DHX58: variants seen among roughly 807,000 people sequenced by gnomAD.
The protein encoded by DHX58 is ATP-dependent RNA helicase DHX58.
DHX58 carries 51 observed loss-of-function variants against 65.0 expected under a neutral mutation model. The ratio of observed to expected loss-of-function variants is 0.78; its 90% CI spans 0.63 to 0.99. The LOEUF is 0.99. Among genes scored for constraint, DHX58 ranks in the 50% least tolerant of loss-of-function variants. The pLI, the probability that DHX58 is intolerant of heterozygous loss-of-function variation, is 0.00. For synonymous variants in DHX58, 350 were observed against 365.0 expected (o/e 0.96, Z 0.47); for missense variants, 773 against 891.8 (o/e 0.87, Z 1.70).
In DHX58 at chr17:42,111,621, C is replaced by A. The variant is rs1340098461; in HGVS notation, c.168+104G>T. 3 of 1,568,198 alleles carry A rather than the reference C, an allele frequency of 1.9e-6. No homozygotes were observed. The African/African-American group carries it at 4.0e-5, about 21-fold the overall frequency. On this transcript the variant is annotated intron_variant, in intron 3 of 13. Transcript: ENST00000251642. Reference sequence around the variant, plus strand: ...AGGGTGGAAAGACAGGTGAGCTTAGCGATGGCCACAGCAGCTTTGGAGTTC... The same window carrying A: ...AGGGTGGAAAGACAGGTGAGCTTAGAGATGGCCACAGCAGCTTTGGAGTTC...
At chr17:42,106,098 GAA>G in intron 8 of DHX58, 109 bp from the exon 9 acceptor site, 1 of 1,186,380 alleles carries the variant, frequency 8.4e-7, no homozygotes, top group South Asian at 1.5e-5. Flanking sequence ...GGTCAAGGCT[GAA>G]GAGAGCTATG....
intron 13 of DHX58, 66 bp from the exon 14 acceptor site, chr17:42,102,012 T>A: frequency 2.0e-6 from 3 of 1,529,874 alleles, no homozygotes; most frequent in Non-Finnish European, 2.7e-6. Context: ...TCTCCTCAAG[T>A]TGGAATTCCC....
At chr17:42,110,186 CAAAA>C (rs11318535) in intron 5 of DHX58, among the ~76,000 whole-genome samples, 14 of 110,324 alleles carry the variant, frequency 1.3e-4, no homozygotes, top group Admixed American at 1.8e-4. Context: ...GACTCCATCT[CAAAA>C]AAAAAAAAAA....
chr17:42,107,114 C>G (rs1299593671), intron 8 of DHX58, among the ~76,000 whole-genome samples: 5 of 152,124 alleles, frequency 3.3e-5, no homozygotes, highest in African/African-American at 4.8e-5. Flanking sequence ...GTAATCCCAG[C>G]ACTTTGGGAG....
chr17:42,110,925 G>T lies in DHX58; in HGVS notation c.371-12C>A, dbSNP rs782293085. The T allele has an allele frequency of 6.3e-6, 10 of 1,589,686 alleles. No individual in the cohort carries two copies. In the Admixed American group the frequency reaches 1.7e-4, roughly 28 times the overall value. ...GATCAGGGAGAAGACTGAGGGCACA[G>T]GGGGGAAGGCTGTGACCTATGTTTG... On this transcript the variant is annotated splice_polypyrimidine_tract_variant and intron_variant, in intron 4 of 13. Coordinates refer to ENST00000251642, the MANE Select transcript of DHX58 (RefSeq NM_024119.3).
Position 42,105,864 on chromosome 17 carries a change from G to C in DHX58, c.1123C>G (p.Arg375Gly). 1 of 1,613,992 alleles carries C rather than the reference G, an allele frequency of 6.2e-7. No individual in the cohort carries two copies. Among genetic ancestry groups the C allele is most frequent in the Non-Finnish European group, 8.5e-7 (1 of 1,180,020 alleles). The change falls in exon 9 of 14, where the codon CGC becomes GGC. Residue 375 changes from arginine (R) to glycine (G), a missense_variant. Transcript: ENST00000251642. ...SNSPRGIIFTRTRQSAHSLLL... is the reference protein window; with the variant it reads ...SNSPRGIIFTGTRQSAHSLLL... Reference sequence around the variant, plus strand: ...AGGGAGTGTGCGCTTTGGCGGGTGCGGGTGAAGATGATACCCCGAGGGCTG... The same window carrying C: ...AGGGAGTGTGCGCTTTGGCGGGTGCCGGTGAAGATGATACCCCGAGGGCTG...
rs1419056623 is a variant in DHX58 at position 42,105,321 on chromosome 17, C to CCCCCAGGATCTTGCCCATCTT, written c.1252-175_1252-155dup. Reference sequence around the variant, plus strand: ...TGAATCCCATCTTTATCCCCAGGTACCCCCAGGATCTTGCCCATCTTCCCA... The same window carrying CCCCCAGGATCTTGCCCATCTT: ...TGAATCCCATCTTTATCCCCAGGTACCCCCAGGATCTTGCCCATCTTCCCCAGGATCTTGCCCATCTTCCCA... On this transcript the variant is annotated intron_variant, in intron 9 of 13. Coordinates refer to ENST00000251642, the MANE Select transcript of DHX58 (RefSeq NM_024119.3). 3.3e-5 allele frequency among the ~76,000 whole-genome samples: 5 copies of CCCCCAGGATCTTGCCCATCTT among 152,046 alleles called. No individual in the cohort carries two copies. In the East Asian group the frequency reaches 9.7e-4, roughly 29 times the overall value.
rs1185853656 is a variant in DHX58, at chr17:42,107,392, GTTAAT to G, written c.997+207_997+211del. On this transcript the variant is annotated intron_variant, in intron 8 of 13. Transcript: ENST00000251642. The stretch of plus-strand genomic sequence containing the variant: ...TAAAAAAAAAAAAAAAGTCAACAAT[GTTAAT>G]TAATTTTAACAACTAAGCAAAAACC... Among the ~76,000 whole-genome samples, 5 of 150,772 alleles carry G rather than the reference GTTAAT, an allele frequency of 3.3e-5. No individual in the cohort carries two copies. The East Asian group carries it at 9.7e-4, about 29-fold the overall frequency.
rs369279500 is a variant in DHX58 at position 42,105,849 on chromosome 17, C to A, written c.1138G>T (p.Ala380Ser). Reference sequence around the variant, plus strand: ...TGGAGCCAGAGCAGGAGGGAGTGTGCGCTTTGGCGGGTGCGGGTGAAGATG... The same window carrying A: ...TGGAGCCAGAGCAGGAGGGAGTGTGAGCTTTGGCGGGTGCGGGTGAAGATG... ...GIIFTRTRQS[A>S]HSLLLWLQQQ... The change falls in exon 9 of 14, where the codon GCA (alanine) becomes TCA (serine). Residue 380 changes from alanine to serine, a missense_variant. By Grantham distance (99) the Ala-to-Ser change is moderately conservative (BLOSUM62 1). Coordinates refer to ENST00000251642, the MANE Select transcript of DHX58 (RefSeq NM_024119.3). 19 of 1,613,824 alleles carry A rather than the reference C, an allele frequency of 1.2e-5. No homozygotes were observed. The Admixed American group carries it at 2.0e-4, about 17-fold the overall frequency.
intron 3 of DHX58, 46 bp from the exon 4 acceptor site, chr17:42,111,543 C>T: frequency 6.2e-7 from 1 of 1,608,030 alleles, no homozygotes; most frequent in Admixed American, 1.7e-5. Context: ...AATCTGGGGC[C>T]AGGGGTAGGG....
At chr17:42,106,028 C>T in intron 8 of DHX58, 39 bp from the exon 9 acceptor site, 1 of 1,587,104 alleles carries the variant, frequency 6.3e-7, no homozygotes, top group South Asian at 1.2e-5. Context: ...TGTAGTGGCA[C>T]ATGTCTGTAG....
chr17:42,102,159 G>T (rs369552739), intron 13 of DHX58, 57 bp downstream of exon 13: 1 of 1,583,434 alleles, frequency 6.3e-7, no homozygotes, highest in Non-Finnish European at 8.7e-7. Flanking sequence ...CTCCCTGAGG[G>T]CCTCTGAAGA....
Position 42,111,428 on chromosome 17 carries a change from G to A in DHX58, c.238C>T (p.Leu80=). Residue 80 remains leucine, a synonymous_variant, in exon 4 of 14, where the codon CTG becomes TTG. Transcript: ENST00000251642. The part of the protein sequence containing the change: ...MLDGRWTVTT[L]SGDMGPRAGF... ...GCACGTGGTCCCATGTCCCCACTCA[G>A]GGTTGTCACGGTCCAGCGTCCATCC... The A allele has an allele frequency of 6.2e-7, 1 of 1,614,192 alleles. No individual in the cohort carries two copies.
Position 42,103,631 on chromosome 17 carries a change from A to C in DHX58, c.1731T>G (p.His577Gln). The C allele has an allele frequency of 6.2e-7, 1 of 1,614,044 alleles. No homozygotes were observed. The highest frequency in any genetic ancestry group is 8.5e-7 in the Non-Finnish European group (1 of 1,180,022). The change falls in exon 12 of 14, where the codon CAT (histidine) becomes CAG (glutamine). Residue 577 changes from histidine to glutamine, a missense_variant. Transcript: ENST00000251642. Reference sequence around the variant, plus strand: ...ACGAGAAGTTGGGGTTCACATTGACATGGTGGGTGCCCTCCACCTTCCGCA... The same window carrying C: ...ACGAGAAGTTGGGGTTCACATTGACCTGGTGGGTGCCCTCCACCTTCCGCA... ...SDLRKVEGTH[H>Q]VNVNPNFSNY...
Position 42,111,775 on chromosome 17 carries a change from G to A in DHX58, c.118C>T (p.Arg40Trp), listed in dbSNP as rs371874809. The A allele has an allele frequency of 7.3e-5, 118 of 1,614,006 alleles. 1 individual carries two copies. Among genetic ancestry groups the A allele is most frequent in the Middle Eastern group, 3.3e-4 (2 of 6,062 alleles). Residue 40 changes from arginine to tryptophan, a missense_variant, in exon 3 of 14, where the codon CGG becomes TGG. Arg to Trp is a moderately radical substitution (Grantham distance 101). Transcript: ENST00000251642. The stretch of plus-strand genomic sequence containing the variant: ...GCTCCATCCACAGTCTCTAGGTGCC[G>A]CTTGGCCACATAAGCAGCCGCCCGG... ...KTRAAAYVAK[R>W]HLETVDGAKV...
Position 42,110,877 on chromosome 17 carries a change from G to A in DHX58, c.407C>T (p.Thr136Met), listed in dbSNP as rs143024378. ...SLIVVDECHH[T>M]HKDTVYNVIM... ...GACGTTGTAGACGGTGTCCTTGTGC[G>A]TGTGGTGGCACTCATCCACCACGAT... Residue 136 changes from threonine (T) to methionine (M), a missense_variant, in exon 5 of 14, where the codon ACG becomes ATG. By Grantham distance (81) the Thr-to-Met change is moderately conservative. Transcript: ENST00000251642. 1.1e-4 allele frequency: 171 copies of A among 1,612,812 alleles called. No individual in the cohort carries two copies. The highest frequency in any genetic ancestry group is 1.4e-4 in the Non-Finnish European group (162 of 1,179,482).
chr17:42,109,671 G>A (rs953705722), intron 5 of DHX58, among the ~76,000 whole-genome samples: 10 of 152,096 alleles, frequency 6.6e-5, no homozygotes, highest in Non-Finnish European at 1.3e-4. Context: ...CAAGGCGGGC[G>A]GGTCACCTGA....
chr17:42,102,409 C>T, intron 12 of DHX58, 97 bp from the exon 13 acceptor site: 2 of 1,076,928 alleles, frequency 1.9e-6, no homozygotes, highest in South Asian at 1.3e-5. Flanking sequence ...GGACCTTGGG[C>T]CTTCCTGCTG....
Position 42,111,308 on chromosome 17 carries a change from CGT to C in DHX58, c.356_357del (p.His119ArgfsTer13), listed in dbSNP as rs1568006496. The C allele has an allele frequency of 7.4e-6, 12 of 1,612,382 alleles. No individual in the cohort carries two copies. The highest frequency in any genetic ancestry group is 1.0e-5 in the Non-Finnish European group (12 of 1,178,678). ...CCATGGCCCTCACCAGTGAGCTCCA[CGT>C]GCTCCTCCTCCTCGGGGCTGGTCAG... is the stretch of plus-strand genomic sequence containing the variant. The part of the protein sequence containing the change: ...MALTSPEEEE[H>X]VELTVFSLIV... On this transcript the variant is annotated frameshift_variant, in exon 4 of 14. Transcript: ENST00000251642. LOFTEE classifies it high-confidence loss of function.
Sources: gnomAD v4.1 joint callset for allele counts (sites outside exome capture counted in the v4.1 genomes callset) on GRCh38, gnomAD v4.1.1 for gene constraint, MANE v1.5 for transcripts, NCBI Gene and HGNC (gene_info 2026-07-23, HGNC 2026-07-21) for gene names.